MYH11: variants seen among roughly 807,000 people sequenced by gnomAD.
MYH11 encodes myosin-11.
MYH11 carries 80 observed loss-of-function variants against 246.6 expected under a neutral mutation model. The ratio of observed to expected loss-of-function variants is 0.32; its 90% CI spans 0.27 to 0.39. The LOEUF is 0.39. Ranked by LOEUF, MYH11 falls within the 10% of genes least tolerant of loss-of-function variation. MYH11 has a pLI of 1.00. For missense variants in MYH11, 2,158 were observed against 2,546.8 expected (o/e 0.85, Z 3.29); for synonymous variants, 1,071 against 1,015.5 (o/e 1.05, Z -1.04).
intron 9 of MYH11, among the ~76,000 whole-genome samples, chr16:15,767,399 C>G (rs1217774196): frequency 6.6e-6 from 1 of 152,154 alleles, no homozygotes; most frequent in East Asian, 1.9e-4. Context: ...AGAGTGGAAG[C>G]CACCTATATT....
intron 5 of MYH11, chr16:15,783,123 G>C (rs2042393231): frequency 6.5e-6 from 1 of 152,818 alleles, no homozygotes; most frequent in Admixed American, 6.5e-5. Flanking sequence ...CAGCCCACCG[G>C]CCCCCTCTGC....
At chr16:15,742,967 A>G (rs1333639074) in intron 20 of MYH11, among the ~76,000 whole-genome samples, 1 of 148,848 alleles carries the variant, frequency 6.7e-6, no homozygotes, top group Non-Finnish European at 1.5e-5. Flanking sequence ...GGCACATGCC[A>G]CAGTGTCCAA....
At chr16:15,784,221 G>A (rs72772056) in intron 5 of MYH11, among the ~76,000 whole-genome samples, 22,125 of 152,064 alleles carry the variant, frequency 0.15, 2,009 homozygotes, top group South Asian at 0.33. Flanking sequence ...CAGGGACAGG[G>A]CTGAGGGAAG....
intron 1 of MYH11, among the ~76,000 whole-genome samples, chr16:15,839,669 C>T (rs1176921537): frequency 2.7e-5 from 4 of 148,352 alleles, no homozygotes; most frequent in Non-Finnish European, 6.0e-5. Context: ...ACTCCAGCCT[C>T]GGCGACAGAG....
chr16:15,809,310 T>A (rs184140986), intron 3 of MYH11, among the ~76,000 whole-genome samples: 1 of 152,056 alleles, frequency 6.6e-6, no homozygotes, highest in Non-Finnish European at 1.5e-5. Flanking sequence ...GGCGGGAGGA[T>A]TGCTTGAGGC....
chr16:15,741,754 A>C lies in MYH11; in HGVS notation c.2652+6T>G, dbSNP rs765272495. On this transcript the variant is annotated splice_donor_region_variant and intron_variant, in intron 21 of 40. Coordinates refer to ENST00000300036, the MANE Select transcript of MYH11 (RefSeq NM_002474.3). Reference sequence around the variant, plus strand: ...AGCAACCCCAGCCATGCATCCATACAGGTACCTGCGAGTGCTTCTGTTCCA... The same window carrying C: ...AGCAACCCCAGCCATGCATCCATACCGGTACCTGCGAGTGCTTCTGTTCCA... 1.9e-6 allele frequency: 3 copies of C among 1,614,092 alleles called. No homozygotes were observed. The Admixed American group carries it at 5.0e-5, about 27-fold the overall frequency.
intron 31 of MYH11, among the ~76,000 whole-genome samples, chr16:15,723,588 GGGAGCT>G (rs1331023553): frequency 1.3e-5 from 2 of 152,282 alleles, no homozygotes; most frequent in East Asian, 3.9e-4. Context: ...GGAGGTTGCG[GGGAGCT>G]GAGATCACAC....
intron 10 of MYH11, 55 bp downstream of exon 10, chr16:15,763,741 T>TGGGGGCCCCCCCCCCCCCCC: frequency 1.7e-5 from 11 of 646,854 alleles, no homozygotes; most frequent in East Asian, 9.5e-5. Flanking sequence ...AAATGTCACC[T>TGGGGGCCCCCCCCCCCCCCC]CCCCCACCCC....
intron 33 of MYH11, 82 bp from the exon 34 acceptor site, chr16:15,720,394 C>T (rs1030644508): frequency 6.5e-7 from 1 of 1,527,414 alleles, no homozygotes; most frequent in South Asian, 1.2e-5. Context: ...ATCACTGCAC[C>T]CCTTCCCCAG....
At position 15,788,075 on chromosome 16, in the gene MYH11, A is replaced by ATTTTTTTTTTTTTTTTT. The variant is rs1555569323; in HGVS notation, c.531-1344_531-1343insAAAAAAAAAAAAAAAAA. ...ATGTCCTCCTGGAATATGAAGGTAG[A>ATTTTTTTTTTTTTTTTT]TCTTTTTTTTTTTTTTTTTTACCAA... On this transcript the variant is annotated intron_variant, in intron 4 of 40. Transcript: ENST00000300036. Among the ~76,000 whole-genome samples, 69 of 42,702 alleles carry ATTTTTTTTTTTTTTTTT rather than the reference A, an allele frequency of 1.6e-3. 2 individuals carry two copies. Among genetic ancestry groups the ATTTTTTTTTTTTTTTTT allele is most frequent in the Middle Eastern group, 0.011 (1 of 92 alleles). The allele number at this position is 42,702 out of a possible 152,430, so 28.0% of individuals were successfully genotyped here. A position where few individuals can be genotyped will look rare whatever the true frequency, so the allele number is the denominator to read the frequency against.
intron 20 of MYH11, 123 bp from the exon 21 acceptor site, chr16:15,742,014 A>G (rs2151251579): frequency 7.2e-7 from 1 of 1,395,724 alleles, no homozygotes; most frequent in Non-Finnish European, 9.9e-7. Flanking sequence ...ACTAGGGGAT[A>G]TTGTCTGGAG....
intron 2 of MYH11, among the ~76,000 whole-genome samples, chr16:15,830,783 C>T (rs2043714674): frequency 1.3e-5 from 2 of 151,692 alleles, no homozygotes; most frequent in South Asian, 2.1e-4. Flanking sequence ...GAGGCTGGGG[C>T]GGGATGATCG....
intron 25 of MYH11, among the ~76,000 whole-genome samples, chr16:15,736,864 A>G (rs919275242): frequency 7.9e-5 from 12 of 152,158 alleles, no homozygotes; most frequent in African/African-American, 2.7e-4. Flanking sequence ...TGAGCAGGTA[A>G]ATAATCATTC....
chr16:15,723,847 C>T (rs1377006167), intron 31 of MYH11, among the ~76,000 whole-genome samples: 1 of 152,184 alleles, frequency 6.6e-6, no homozygotes, highest in Non-Finnish European at 1.5e-5. Context: ...TCAGTAAATA[C>T]ATTTAGTGAA....
Position 15,741,595 on chromosome 16 carries a change from C to A in MYH11, c.2727G>T (p.Met909Ile). ...GCTTCTTGGCCGCCAGCCGCACCCGCATCTCCTCAGCCTCTGCATACAGCT... is the reference window on the plus strand; with the variant it reads ...GCTTCTTGGCCGCCAGCCGCACCCGAATCTCCTCAGCCTCTGCATACAGCT... ...ETELYAEAEE[M>I]RVRLAAKKQE... The change falls in exon 22 of 41, where the codon ATG becomes ATT. Residue 909 changes from methionine (M) to isoleucine (I), a missense_variant. Transcript: ENST00000300036. The A allele has an allele frequency of 6.2e-7, 1 of 1,612,904 alleles. No individual in the cohort carries two copies. Among genetic ancestry groups the A allele is most frequent in the Non-Finnish European group, 8.5e-7 (1 of 1,180,036 alleles).
intron 40 of MYH11, among the ~76,000 whole-genome samples, chr16:15,707,366 A>C (rs2039513601): frequency 6.6e-6 from 1 of 152,168 alleles, no homozygotes; most frequent in African/African-American, 2.4e-5. Flanking sequence ...AGCTTATCCA[A>C]GGCCTCGGGA....
At chr16:15,754,160 T>C (rs1353214791) in intron 14 of MYH11, among the ~76,000 whole-genome samples, 1 of 151,808 alleles carries the variant, frequency 6.6e-6, no homozygotes, top group African/African-American at 2.4e-5. Flanking sequence ...GAGATTGCAG[T>C]GAGCTGAGAT....
At chr16:15,833,981 C>T (rs2043821672) in intron 2 of MYH11, among the ~76,000 whole-genome samples, 1 of 152,140 alleles carries the variant, frequency 6.6e-6, no homozygotes, top group Non-Finnish European at 1.5e-5. Context: ...CTAATCTGTC[C>T]AGAGAAGCAT....
intron 2 of MYH11, among the ~76,000 whole-genome samples, chr16:15,830,521 G>A (rs185552345): frequency 4.6e-5 from 7 of 152,250 alleles, no homozygotes; most frequent in Non-Finnish European, 8.8e-5. Context: ...ACAACAGCCG[G>A]GGCCTGTGCT....
Sources: gnomAD v4.1 joint callset for allele counts (sites outside exome capture counted in the v4.1 genomes callset) on GRCh38, gnomAD v4.1.1 for gene constraint, MANE v1.5 for transcripts, NCBI Gene and HGNC (gene_info 2026-07-23, HGNC 2026-07-21) for gene names.